The following ZSCAN32 variants were observed in gnomAD, a reference collection of about 807,000 sequenced individuals.
The protein encoded by ZSCAN32 is zinc finger and SCAN domain containing 32, also known as zinc finger and SCAN domain-containing protein 32.
A neutral mutation model predicts 47.4 loss-of-function variants in ZSCAN32; 52 were observed. The observed-to-expected ratio is 1.10, with a 90% confidence interval of 0.88 to 1.38. The LOEUF is 1.38. Among genes scored for constraint, ZSCAN32 ranks in the 40% most tolerant of loss-of-function variants. ZSCAN32 has a pLI of 0.00. For missense variants in ZSCAN32, 959 were observed against 846.0 expected, an observed-to-expected ratio of 1.13 and a Z score of -1.66; for synonymous variants, 346 against 305.7, an observed-to-expected ratio of 1.13 and a Z score of -1.38.
At chr16:3,393,516 C>G (rs900274577) in intron 3 of ZSCAN32, 133 bp downstream of exon 3, 1 of 883,634 alleles carries the variant, frequency 1.1e-6, no homozygotes, top group East Asian at 2.9e-5. Flanking sequence ...TGAGCCAACA[C>G]GCCCTGCCGG....
intron 5 of ZSCAN32, among the ~76,000 whole-genome samples, chr16:3,385,306 C>G (rs1330498152): frequency 6.6e-6 from 1 of 152,040 alleles, no homozygotes; most frequent in Non-Finnish European, 1.5e-5. Flanking sequence ...AGCCTGATGA[C>G]AGAGAGAGAA....
chr16:3,383,993 T>C, intron 6 of ZSCAN32: 1 of 463,224 alleles, frequency 2.2e-6, no homozygotes, highest in Non-Finnish European at 3.8e-6. Context: ...CTATATCATC[T>C]GCCAGTCTGT....
At position 3,397,349 on chromosome 16, in the gene ZSCAN32, G is replaced by A. The variant is rs1292298142; in HGVS notation, c.209C>T (p.Thr70Ile). ...CTCCAGGATTTCCTCTTTTGAGTGG[G>A]TCTTCGGCCTCAGCCACTGACAACA... ...ELCCQWLRPK[T>I]HSKEEILELL... Residue 70 changes from threonine (T) to isoleucine (I), a missense_variant, in exon 2 of 7, where the codon ACC becomes ATC. Thr to Ile is a moderately conservative substitution (Grantham distance 89). Coordinates refer to ENST00000396852, the MANE Select transcript of ZSCAN32 (RefSeq NM_001284527.2). 3 of 1,560,058 alleles carry A rather than the reference G, an allele frequency of 1.9e-6. No individual in the cohort carries two copies. The highest frequency in any genetic ancestry group is 2.6e-6 in the Non-Finnish European group (3 of 1,152,334).
At chr16:3,387,621 C>G (rs1380418741) in intron 5 of ZSCAN32, among the ~76,000 whole-genome samples, 1 of 152,124 alleles carries the variant, frequency 6.6e-6, no homozygotes, top group Non-Finnish European at 1.5e-5. Flanking sequence ...TTCTTGTCAC[C>G]CCCTCTTCTC....
intron 1 of ZSCAN32, among the ~76,000 whole-genome samples, 162 bp downstream of exon 1, chr16:3,400,783 G>A (rs2033828045): frequency 6.6e-6 from 1 of 152,174 alleles, no homozygotes; most frequent in African/African-American, 2.4e-5. Context: ...ATCGCGGCGC[G>A]TCTGGGGACG....
At chr16:3,398,954 G>A (rs2033629448) in intron 1 of ZSCAN32, among the ~76,000 whole-genome samples, 1 of 152,204 alleles carries the variant, frequency 6.6e-6, no homozygotes, top group African/African-American at 2.4e-5. Flanking sequence ...CAGGCGTGGT[G>A]GCTCACGCTT....
At position 3,393,204 on chromosome 16, in the gene ZSCAN32, ATATTT is replaced by A. The variant is rs1327549100; in HGVS notation, c.532+440_532+444del. Among the ~76,000 whole-genome samples the A allele has an allele frequency of 1.7e-3, 22 of 12,948 alleles. 1 individual carries two copies. Among genetic ancestry groups the A allele is most frequent in the South Asian group, 7.8e-3 (2 of 258 alleles). The allele number at this position is 12,948 out of a possible 152,430, so 8.5% of individuals were successfully genotyped here. Reference sequence around the variant, plus strand: ...TATTTCTATATTTATATATATATTTATATTTATATATATATATATATATAAATTTA... The same window carrying A: ...TATTTCTATATTTATATATATATTTAATATATATATATATATATAAATTTA... On this transcript the variant is annotated intron_variant, in intron 3 of 6. Transcript: ENST00000396852.
rs752296430 is a variant in ZSCAN32 at position 3,397,240 on chromosome 16, C to G, written c.318G>C (p.Glu106Asp). Residue 106 changes from glutamate (E) to aspartate (D), a missense_variant, in exon 2 of 7, where the codon GAG becomes GAC. By Grantham distance (45) the Glu-to-Asp change is conservative. Transcript: ENST00000396852. ...CATCCTCAACCAGAGCCACAGCTTC[C>G]TCGCCGTTTTCTGGATGCTGCTCCC... ...WVREQHPENG[E>D]EAVALVEDVQ... The G allele has an allele frequency of 6.4e-7, 1 of 1,560,502 alleles. No homozygotes were observed. Among genetic ancestry groups the G allele is most frequent in the South Asian group, 1.2e-5 (1 of 84,792 alleles).
Position 3,393,696 on chromosome 16 carries a change from A to G in ZSCAN32, c.485T>C (p.Phe162Ser). The G allele has an allele frequency of 9.0e-6, 14 of 1,550,142 alleles. No homozygotes were observed. The highest frequency in any genetic ancestry group is 1.2e-5 in the Non-Finnish European group (14 of 1,146,906). Residue 162 changes from phenylalanine (F) to serine (S), a missense_variant, in exon 3 of 7, where the codon TTT (phenylalanine) becomes TCT (serine). By Grantham distance (155) the Phe-to-Ser change is radical. Coordinates refer to ENST00000396852, the MANE Select transcript of ZSCAN32 (RefSeq NM_001284527.2). Reference protein sequence around the residue: ...KQEVQPEEPTFKGSQSSHQRP... With the variant: ...KQEVQPEEPTSKGSQSSHQRP... ...TTGGTGTGAGCTCTGTGATCCCTTA[A>G]AAGTCGGTTCCTCTGGCTGAACCTC...
chr16:3,396,705 G>A (rs967552194), intron 2 of ZSCAN32, among the ~76,000 whole-genome samples: 5 of 152,152 alleles, frequency 3.3e-5, no homozygotes, highest in African/African-American at 7.2e-5. Context: ...AGTCCTGACC[G>A]TAAGAGGATA....
rs1005783405 is a variant in ZSCAN32 at position 3,390,286 on chromosome 16, T to C, written c.627+137A>G. On this transcript the variant is annotated intron_variant, in intron 4 of 6. Transcript: ENST00000396852. ...GGACAGGTTCTGAGCCATGTGATGATGTCAGAGTGGACAGAATCAAAATAA... is the reference window on the plus strand; with the variant it reads ...GGACAGGTTCTGAGCCATGTGATGACGTCAGAGTGGACAGAATCAAAATAA... 5.9e-6 allele frequency: 8 copies of C among 1,364,266 alleles called. No homozygotes were observed. The African/African-American group carries it at 5.9e-5, about 10-fold the overall frequency. The allele number at this position is 1,364,266 out of a possible 1,614,324, so 84.5% of individuals were successfully genotyped here.
intron 3 of ZSCAN32, among the ~76,000 whole-genome samples, chr16:3,390,725 G>C (rs1467581711): frequency 6.6e-6 from 1 of 152,154 alleles, no homozygotes; most frequent in Non-Finnish European, 1.5e-5. Flanking sequence ...TCCCACCTCC[G>C]AATGAGTCTG....
chr16:3,388,335 C>A (rs1341305044), intron 5 of ZSCAN32, among the ~76,000 whole-genome samples: 1 of 152,216 alleles, frequency 6.6e-6, no homozygotes, highest in Non-Finnish European at 1.5e-5. Context: ...CATCCCTCCT[C>A]CTTCAGCAAG....
chr16:3,396,407 C>G (rs2033372792), intron 2 of ZSCAN32, among the ~76,000 whole-genome samples: 1 of 152,182 alleles, frequency 6.6e-6, no homozygotes, highest in African/African-American at 2.4e-5. Flanking sequence ...CTGGGAAACA[C>G]AAGTATATCT....
At chr16:3,398,744 T>C (rs1293777494) in intron 1 of ZSCAN32, among the ~76,000 whole-genome samples, 1 of 152,210 alleles carries the variant, frequency 6.6e-6, no homozygotes, top group African/African-American at 2.4e-5. Flanking sequence ...CCTGAATTCA[T>C]GTTCCCAATT....
intron 2 of ZSCAN32, among the ~76,000 whole-genome samples, chr16:3,395,845 A>G (rs945416899): frequency 6.6e-6 from 1 of 152,284 alleles, no homozygotes; most frequent in Non-Finnish European, 1.5e-5. Context: ...ATAAAAAACA[A>G]AAATTAGTTG....
rs547031170 is a variant in ZSCAN32, at chr16:3,389,999, T to C, written c.751+11A>G. On this transcript the variant is annotated intron_variant, in intron 5 of 6. Transcript: ENST00000396852. Reference sequence around the variant, plus strand: ...CATCCACCTTGACCTGGAGGGAAGATGGATCCTTACCCAGCGAGACGTGAC... The same window carrying C: ...CATCCACCTTGACCTGGAGGGAAGACGGATCCTTACCCAGCGAGACGTGAC... The C allele has an allele frequency of 5.0e-5, 81 of 1,604,238 alleles. No individual in the cohort carries two copies. The South Asian group carries it at 8.4e-4, about 17-fold the overall frequency.
chr16:3,399,836 G>A (rs756798565), intron 1 of ZSCAN32, among the ~76,000 whole-genome samples: 30 of 152,254 alleles, frequency 2.0e-4, no homozygotes, highest in Non-Finnish European at 2.9e-4. Context: ...AAACTCCTGT[G>A]CTCAAGTGAT....
intron 2 of ZSCAN32, among the ~76,000 whole-genome samples, chr16:3,396,177 A>C (rs181842485): frequency 6.6e-6 from 1 of 152,276 alleles, no homozygotes; most frequent in Admixed American, 6.5e-5. Flanking sequence ...TACAAGTGCT[A>C]CTGCACCTCT....
Sources: gnomAD v4.1 joint callset for allele counts (sites outside exome capture counted in the v4.1 genomes callset) on GRCh38, gnomAD v4.1.1 for gene constraint, MANE v1.5 for transcripts, NCBI Gene and HGNC (gene_info 2026-07-23, HGNC 2026-07-21) for gene names.